The following PACRG variants were observed in gnomAD, a reference collection of about 807,000 sequenced individuals.
PACRG encodes the protein parkin coregulated.
Under a neutral mutation model 29.7 loss-of-function variants are expected in PACRG, and 29 were observed. That is an observed-to-expected ratio of 0.98 (90% confidence interval 0.73 to 1.33). PACRG has a LOEUF of 1.33. Ranked by LOEUF, PACRG falls within the 40% of genes most tolerant of loss-of-function variation. The pLI is 0.00. For synonymous variants in PACRG, 116 were observed against 118.7 expected, an observed-to-expected ratio of 0.98 and a Z score of 0.15; for missense variants, 279 against 316.2, an observed-to-expected ratio of 0.88 and a Z score of 0.89.
At chr6:162,747,340 AT>A (rs1781081774) in intron 1 of PACRG, among the ~76,000 whole-genome samples, 1 of 72,412 alleles carries the variant, frequency 1.4e-5, no homozygotes, top group Non-Finnish European at 2.4e-5. Context: ...ATATATATAT[AT>A]ATATATATAT....
chr6:163,220,251 T>G (rs1392367787), intron 4 of PACRG, among the ~76,000 whole-genome samples: 1 of 152,124 alleles, frequency 6.6e-6, no homozygotes, highest in South Asian at 2.1e-4. Context: ...TGCTCCATCT[T>G]TTTAGTAATT....
chr6:163,113,190 G>A (rs1815804770), intron 4 of PACRG, among the ~76,000 whole-genome samples: 1 of 152,130 alleles, frequency 6.6e-6, no homozygotes, highest in South Asian at 2.1e-4. Context: ...ATAAATTACA[G>A]AATCTGAGGA....
chr6:163,311,707 C>G (rs1785422913), intron 4 of PACRG, among the ~76,000 whole-genome samples: 2 of 152,184 alleles, frequency 1.3e-5, no homozygotes, highest in South Asian at 2.1e-4. Flanking sequence ...CTCCAACTCA[C>G]TTTTTGAATA....
chr6:163,153,812 T>C (rs2764010), intron 4 of PACRG, among the ~76,000 whole-genome samples: 88,329 of 152,060 alleles, frequency 0.58, 26,226 homozygotes, highest in East Asian at 0.77. Context: ...CCAACTATTT[T>C]GTGACATGTC....
At chr6:162,784,519 GT>G (rs113512390) in intron 1 of PACRG, among the ~76,000 whole-genome samples, 2 of 151,940 alleles carry the variant, frequency 1.3e-5, no homozygotes, top group Non-Finnish European at 2.9e-5. Context: ...GACACTGAAG[GT>G]TTTTTTTGTT....
At chr6:163,009,016 C>T (rs1409750061) in intron 2 of PACRG, among the ~76,000 whole-genome samples, 2 of 152,122 alleles carry the variant, frequency 1.3e-5, no homozygotes, top group Non-Finnish European at 1.5e-5. Context: ...AAGATCCTTT[C>T]CAGATCCAAC....
At chr6:163,007,768 T>G (rs1445970617) in intron 2 of PACRG, among the ~76,000 whole-genome samples, 4 of 152,156 alleles carry the variant, frequency 2.6e-5, no homozygotes, top group African/African-American at 9.7e-5. Flanking sequence ...TCTTGCTCCA[T>G]TTTGGTCAGA....
intron 1 of PACRG, among the ~76,000 whole-genome samples, chr6:162,755,485 G>C (rs1383953256): frequency 6.6e-6 from 1 of 151,742 alleles, no homozygotes; most frequent in Non-Finnish European, 1.5e-5. Context: ...GCCCAGGTTG[G>C]AGTGCAGTGG....
intron 1 of PACRG, among the ~76,000 whole-genome samples, chr6:162,769,399 A>G (rs549640597): frequency 6.8e-6 from 1 of 146,368 alleles, no homozygotes; most frequent in East Asian, 1.9e-4. Flanking sequence ...CATTATTTCT[A>G]TTTTACAAGT....
chr6:162,982,852 T>C (rs1259865285), intron 2 of PACRG, among the ~76,000 whole-genome samples: 1 of 152,130 alleles, frequency 6.6e-6, no homozygotes, highest in Non-Finnish European at 1.5e-5. Context: ...AGTCCATTGT[T>C]TCTTTGTTGA....
intron 2 of PACRG, among the ~76,000 whole-genome samples, chr6:162,834,516 C>T (rs1267267126): frequency 2.6e-5 from 4 of 151,918 alleles, no homozygotes; most frequent in Admixed American, 6.6e-5. Context: ...GGCACATGTA[C>T]GTGTGTATTT....
At chr6:162,977,232 T>C (rs915790516) in intron 2 of PACRG, among the ~76,000 whole-genome samples, 2 of 152,060 alleles carry the variant, frequency 1.3e-5, no homozygotes, top group Non-Finnish European at 2.9e-5. Flanking sequence ...AATAGCTCCT[T>C]TATAATGACA....
rs1026584823 is a variant in PACRG at position 163,200,882 on chromosome 6, C to T, written c.613+111474C>T. Among the ~76,000 whole-genome samples the T allele has an allele frequency of 4.6e-5, 7 of 152,282 alleles. No individual in the cohort carries two copies. The South Asian group carries it at 8.3e-4, about 18-fold the overall frequency. ...TCTGCACGTCAGCGTGCTTGGGAAG[C>T]GCCCTGCACCACCGGCATTCCTGGG... On this transcript the variant is annotated intron_variant, in intron 4 of 4. Transcript: ENST00000366888.
intron 1 of PACRG, among the ~76,000 whole-genome samples, chr6:162,748,469 CGCGACAGAGTGAG>C (rs1781264304): frequency 6.6e-6 from 1 of 152,008 alleles, no homozygotes; most frequent in Non-Finnish European, 1.5e-5. Flanking sequence ...CTCCAGCCTG[CGCGACAGAGTGAG>C]ACTCCATCTC....
chr6:162,904,763 G>C (rs1325262321), intron 2 of PACRG, among the ~76,000 whole-genome samples: 1 of 152,182 alleles, frequency 6.6e-6, no homozygotes, highest in Non-Finnish European at 1.5e-5. Context: ...GACCTGTTTA[G>C]TGGAATAAGC....
chr6:163,218,486 C>T (rs1781452306), intron 4 of PACRG, among the ~76,000 whole-genome samples: 1 of 152,140 alleles, frequency 6.6e-6, no homozygotes, highest in African/African-American at 2.4e-5. Context: ...TTTCCATGGC[C>T]ACGTCCTCAA....
At chr6:162,807,753 A>G (rs977838905) in intron 1 of PACRG, among the ~76,000 whole-genome samples, 1 of 152,158 alleles carries the variant, frequency 6.6e-6, no homozygotes, top group Non-Finnish European at 1.5e-5. Flanking sequence ...AAGTGAGCCG[A>G]TGCTGTTGGA....
chr6:162,779,232 T>C (rs889040100), intron 1 of PACRG, among the ~76,000 whole-genome samples: 5 of 152,256 alleles, frequency 3.3e-5, no homozygotes, highest in African/African-American at 7.2e-5. Flanking sequence ...TATAGCTGCA[T>C]AGTATTCCAC....
At chr6:163,094,996 G>T (rs751127403) in intron 4 of PACRG, among the ~76,000 whole-genome samples, 1 of 152,080 alleles carries the variant, frequency 6.6e-6, no homozygotes, top group Non-Finnish European at 1.5e-5. Flanking sequence ...AGCTCCCAAA[G>T]CCTGGAAAAT....
Sources: gnomAD v4.1 joint callset for allele counts (sites outside exome capture counted in the v4.1 genomes callset) on GRCh38, gnomAD v4.1.1 for gene constraint, MANE v1.5 for transcripts, NCBI Gene and HGNC (gene_info 2026-07-23, HGNC 2026-07-21) for gene names.